Variants in CTNNA2 observed in about 807,000 individuals in gnomAD.
CTNNA2 encodes catenin alpha-2.
A neutral mutation model predicts 101.0 loss-of-function variants in CTNNA2; 42 were observed. The observed-to-expected ratio is 0.42, with a 90% CI of 0.32 to 0.54. The LOEUF (loss-of-function observed/expected upper bound fraction) is 0.54. Among genes scored for constraint, CTNNA2 ranks in the 20% least tolerant of loss-of-function variants. The pLI, the probability that CTNNA2 is intolerant of heterozygous loss-of-function variation, is 0.14. For missense variants in CTNNA2, 871 were observed against 1,223.1 expected, an observed-to-expected ratio of 0.71 and a Z score of 4.29; for synonymous variants, 450 against 456.4, an observed-to-expected ratio of 0.99 and a Z score of 0.18.
chr2:79,578,472 G>T (rs1040527653), intron 1 of CTNNA2, among the ~76,000 whole-genome samples: 2 of 152,082 alleles, frequency 1.3e-5, no homozygotes, highest in African/African-American at 4.8e-5. Context: ...TAATCTTAAA[G>T]AAAGGAAACT....
At chr2:80,094,593 G>C (rs1700022075) in intron 7 of CTNNA2, among the ~76,000 whole-genome samples, 1 of 152,084 alleles carries the variant, frequency 6.6e-6, no homozygotes. Flanking sequence ...AAATTACCTT[G>C]GGCAGTATGG....
At chr2:79,567,035 G>C (rs943747339) in intron 1 of CTNNA2, among the ~76,000 whole-genome samples, 3 of 152,136 alleles carry the variant, frequency 2.0e-5, no homozygotes, top group Non-Finnish European at 4.4e-5. Flanking sequence ...AACATATAGA[G>C]AAAGCATAAC....
At chr2:80,401,004 ACT>A (rs947788708) in intron 8 of CTNNA2, among the ~76,000 whole-genome samples, 4 of 151,878 alleles carry the variant, frequency 2.6e-5, no homozygotes, top group Admixed American at 2.6e-4. Context: ...TTCCAAGAAA[ACT>A]CACATCTTTT....
rs1019341708 is a variant in CTNNA2, at chr2:79,450,114, G to A, written c.-134-54940G>A. 5.9e-5 allele frequency among the ~76,000 whole-genome samples: 9 copies of A among 151,696 alleles called. No individual in the cohort carries two copies. The South Asian group carries it at 1.0e-3, about 17-fold the overall frequency. ...CAGAATGATAAGGTCTCAGAAATAC[G>A]TGACACAGCAGAGAGGCCCACTAAA... On this transcript the variant is annotated intron_variant, in intron 4 of 21. Transcript: ENST00000466387.
intron 4 of CTNNA2, among the ~76,000 whole-genome samples, chr2:79,408,535 A>G (rs1041788770): frequency 7.6e-5 from 11 of 144,716 alleles, no homozygotes; most frequent in Non-Finnish European, 3.0e-5. Context: ...ATTCCCACCT[A>G]TGAGTGAGAA....
chr2:80,478,058 G>T (rs760537661), intron 9 of CTNNA2, among the ~76,000 whole-genome samples: 5 of 151,986 alleles, frequency 3.3e-5, no homozygotes, highest in African/African-American at 4.8e-5. Context: ...AAGACCTGTG[G>T]TTTTTTGACT....
At position 80,104,798 on chromosome 2, in the gene CTNNA2, A is replaced by G. The variant is rs1175055327; in HGVS notation, c.1056+195001A>G. 2.0e-5 allele frequency among the ~76,000 whole-genome samples: 3 copies of G among 152,194 alleles called. No individual in the cohort carries two copies. The East Asian group carries it at 5.8e-4, about 29-fold the overall frequency. On this transcript the variant is annotated intron_variant, in intron 7 of 18. Coordinates refer to ENST00000402739, the MANE Select transcript of CTNNA2 (RefSeq NM_001282597.3). ...GCATAGCCAAGTGATTTCTTTATGCATTTTAAAGTGTTTTTAAACCCTTGG... is the reference window on the plus strand; with the variant it reads ...GCATAGCCAAGTGATTTCTTTATGCGTTTTAAAGTGTTTTTAAACCCTTGG...
chr2:79,670,319 G>C (rs1045499443), intron 2 of CTNNA2, among the ~76,000 whole-genome samples: 1 of 152,170 alleles, frequency 6.6e-6, no homozygotes, highest in Non-Finnish European at 1.5e-5. Context: ...AGGGAGGCTC[G>C]ATCCATAGCT....
intron 17 of CTNNA2, 62 bp from the exon 18 acceptor site, chr2:80,619,023 T>C: frequency 3.6e-6 from 2 of 561,468 alleles, no homozygotes; most frequent in Non-Finnish European, 4.5e-6. Context: ...AGTAGGGTAC[T>C]TTTTTTTTTT....
chr2:79,802,580 A>G (rs1676249935), intron 3 of CTNNA2, among the ~76,000 whole-genome samples: 1 of 152,180 alleles, frequency 6.6e-6, no homozygotes, highest in Non-Finnish European at 1.5e-5. Flanking sequence ...TTCCTACCCT[A>G]GGAAGGCCTC....
chr2:80,070,949 C>G (rs1418462290), intron 7 of CTNNA2, among the ~76,000 whole-genome samples: 1 of 152,150 alleles, frequency 6.6e-6, no homozygotes, highest in African/African-American at 2.4e-5. Context: ...TATAAAGATA[C>G]ATGTGTTTAT....
intron 1 of CTNNA2, among the ~76,000 whole-genome samples, chr2:79,196,216 G>C (rs537319882): frequency 6.6e-5 from 10 of 152,282 alleles, no homozygotes. Context: ...ATAGGCATAA[G>C]CCACCGCACC....
At chr2:80,017,458 G>A (rs1475337849) in intron 7 of CTNNA2, among the ~76,000 whole-genome samples, 1 of 149,588 alleles carries the variant, frequency 6.7e-6, no homozygotes. Flanking sequence ...GTATATATAT[G>A]TATATATGTG....
At chr2:79,541,425 CACATATAT>C (rs1203051451) in intron 1 of CTNNA2, among the ~76,000 whole-genome samples, 3 of 49,316 alleles carry the variant, frequency 6.1e-5, no homozygotes, top group Non-Finnish European at 1.1e-4. Context: ...CACGCACACA[CACATATAT>C]ATATATATAT....
intron 13 of CTNNA2, among the ~76,000 whole-genome samples, chr2:80,578,060 A>G (rs368588195): frequency 1.2e-3 from 186 of 152,314 alleles, no homozygotes; most frequent in African/African-American, 4.4e-3. Context: ...CACCAGCAGC[A>G]GGTGAACGGG....
At chr2:79,895,791 A>C (rs957557825) in intron 6 of CTNNA2, among the ~76,000 whole-genome samples, 2 of 150,842 alleles carry the variant, frequency 1.3e-5, no homozygotes, top group African/African-American at 4.9e-5. Flanking sequence ...TAGTAGGCCC[A>C]TGGTTTATCC....
chr2:80,091,998 C>T (rs1239230943), intron 7 of CTNNA2, among the ~76,000 whole-genome samples: 2 of 152,102 alleles, frequency 1.3e-5, no homozygotes, highest in African/African-American at 4.8e-5. Context: ...AGCCAAAAAG[C>T]TTTCTTGTGC....
At chr2:79,552,052 C>T (rs1333807603) in intron 1 of CTNNA2, among the ~76,000 whole-genome samples, 2 of 152,128 alleles carry the variant, frequency 1.3e-5, no homozygotes, top group Non-Finnish European at 2.9e-5. Context: ...TAACTCATCC[C>T]AGCATTAACT....
At chr2:80,140,140 G>A (rs766349079) in intron 7 of CTNNA2, among the ~76,000 whole-genome samples, 3 of 152,158 alleles carry the variant, frequency 2.0e-5, no homozygotes, top group Non-Finnish European at 4.4e-5. Context: ...ATAAAGCTAC[G>A]AGTGACTGAA....
Sources: gnomAD v4.1 joint callset for allele counts (sites outside exome capture counted in the v4.1 genomes callset) on GRCh38, gnomAD v4.1.1 for gene constraint, MANE v1.5 for transcripts, NCBI Gene and HGNC (gene_info 2026-07-23, HGNC 2026-07-21) for gene names.